NLGN1: variants seen among roughly 807,000 people sequenced by gnomAD.
NLGN1 encodes the protein neuroligin 1, also known as neuroligin-1.
Under a neutral mutation model 65.5 loss-of-function variants are expected in NLGN1, and 12 were observed. That is an observed-to-expected ratio of 0.18 (90% CI 0.12 to 0.30). The LOEUF (loss-of-function observed/expected upper bound fraction) is 0.30. Among genes scored for constraint, NLGN1 ranks in the 10% least tolerant of loss-of-function variants. NLGN1 has a pLI of 1.00. For synonymous variants in NLGN1, 350 were observed against 359.5 expected, an observed-to-expected ratio of 0.97 and a Z score of 0.30; for missense variants, 750 against 1,007.1, an observed-to-expected ratio of 0.74 and a Z score of 3.46.
At chr3:173,906,267 A>G (rs957174431) in intron 4 of NLGN1, among the ~76,000 whole-genome samples, 11 of 152,116 alleles carry the variant, frequency 7.2e-5, no homozygotes, top group African/African-American at 2.7e-4. Context: ...TTTTATTAGC[A>G]TTTTTTCCAT....
chr3:173,994,489 A>AAAAAAAAAG (rs1560799719), intron 4 of NLGN1, among the ~76,000 whole-genome samples: 1 of 62,460 alleles, frequency 1.6e-5, no homozygotes. Flanking sequence ...AAAAAAAAAA[A>AAAAAAAAAG]AAAGAGAGAG....
chr3:173,839,346 A>G (rs1179714946), intron 4 of NLGN1, among the ~76,000 whole-genome samples: 1 of 152,084 alleles, frequency 6.6e-6, no homozygotes, highest in East Asian at 1.9e-4. Context: ...ACAGTCATGA[A>G]CTAGGCCATG....
chr3:173,584,888 C>T (rs1014049423), intron 2 of NLGN1: 16 of 151,932 alleles, frequency 1.1e-4, no homozygotes, highest in African/African-American at 3.9e-4. Context: ...CTCGAGATTT[C>T]AAAAAAGCGT....
intron 3 of NLGN1, among the ~76,000 whole-genome samples, chr3:173,744,830 A>ATT (rs35668962): frequency 0.034 from 5,074 of 148,168 alleles, 277 homozygotes; most frequent in African/African-American, 0.12. Context: ...TTATTTATTT[A>ATT]TTTTTTTTTT....
intron 4 of NLGN1, among the ~76,000 whole-genome samples, chr3:174,194,591 G>C (rs532958904): frequency 6.6e-6 from 1 of 151,550 alleles, no homozygotes; most frequent in African/African-American, 2.4e-5. Flanking sequence ...AAATCATCAG[G>C]CTATTTGTAG....
At chr3:174,122,193 C>T (rs1234889531) in intron 4 of NLGN1, among the ~76,000 whole-genome samples, 1 of 152,126 alleles carries the variant, frequency 6.6e-6, no homozygotes, top group South Asian at 2.1e-4. Context: ...TGCCCATTTT[C>T]GATCTCTGTA....
chr3:174,139,696 C>G (rs1577063675), intron 4 of NLGN1, among the ~76,000 whole-genome samples: 1 of 152,204 alleles, frequency 6.6e-6, no homozygotes, highest in Middle Eastern at 3.4e-3. Context: ...AAAATGTCTC[C>G]TAAAGTGGTG....
intron 3 of NLGN1, among the ~76,000 whole-genome samples, chr3:173,706,925 A>G (rs1044283495): frequency 2.6e-5 from 4 of 152,200 alleles, no homozygotes; most frequent in Admixed American, 1.3e-4. Context: ...ATTCAACTTT[A>G]TTCATCCTGA....
chr3:173,960,745 AATAG>A (rs201541649), intron 4 of NLGN1, among the ~76,000 whole-genome samples: 290 of 152,032 alleles, frequency 1.9e-3, no homozygotes, highest in African/African-American at 6.6e-3. Context: ...TTTAAGTTAA[AATAG>A]ATAGGAAGAC....
At chr3:174,248,930 A>G (rs1744286262) in intron 4 of NLGN1, among the ~76,000 whole-genome samples, 1 of 151,872 alleles carries the variant, frequency 6.6e-6, no homozygotes, top group Non-Finnish European at 1.5e-5. Flanking sequence ...CATCCTCTCC[A>G]CTCCTGCTTC....
chr3:173,558,634 A>C (rs1484887495), intron 2 of NLGN1, among the ~76,000 whole-genome samples: 1 of 151,830 alleles, frequency 6.6e-6, no homozygotes, highest in Admixed American at 6.6e-5. Context: ...TAGAGTTTCT[A>C]TTTCTCTTTT....
intron 4 of NLGN1, among the ~76,000 whole-genome samples, chr3:173,923,791 C>A (rs1174210331): frequency 6.6e-6 from 1 of 152,020 alleles, no homozygotes; most frequent in East Asian, 1.9e-4. Flanking sequence ...ATTTTCATTT[C>A]TTTCTTTTCA....
chr3:173,708,276 C>G (rs2149924704), intron 3 of NLGN1, among the ~76,000 whole-genome samples: 1 of 152,284 alleles, frequency 6.6e-6, no homozygotes, highest in South Asian at 2.1e-4. Flanking sequence ...AATCCTCTGA[C>G]CCTTGGACTC....
At chr3:174,062,686 A>G (rs947769831) in intron 4 of NLGN1, among the ~76,000 whole-genome samples, 6 of 152,000 alleles carry the variant, frequency 3.9e-5, no homozygotes, top group African/African-American at 1.4e-4. Flanking sequence ...TATTGTTTCT[A>G]TCTAATTTTT....
chr3:173,710,132 G>T (rs1029701319), intron 3 of NLGN1, among the ~76,000 whole-genome samples: 1 of 152,032 alleles, frequency 6.6e-6, no homozygotes, highest in African/African-American at 2.4e-5. Flanking sequence ...AAAATTCAAT[G>T]AGTGAATATT....
chr3:173,819,450 T>G (rs1268233265), intron 4 of NLGN1, among the ~76,000 whole-genome samples: 1 of 152,198 alleles, frequency 6.6e-6, no homozygotes, highest in East Asian at 1.9e-4. Flanking sequence ...CTCTTCTTCT[T>G]GTCAAACTTT....
At chr3:174,119,999 C>A (rs2152642679) in intron 4 of NLGN1, among the ~76,000 whole-genome samples, 1 of 152,176 alleles carries the variant, frequency 6.6e-6, no homozygotes, top group Non-Finnish European at 1.5e-5. Context: ...AGTTTGAAAA[C>A]CACTGATATA....
intron 4 of NLGN1, among the ~76,000 whole-genome samples, chr3:174,106,772 C>T (rs1475803393): frequency 1.3e-5 from 2 of 151,968 alleles, no homozygotes; most frequent in Non-Finnish European, 2.9e-5. Flanking sequence ...TATAATGCAG[C>T]CCCACTCTGA....
At chr3:173,478,062 C>T (rs1726563830) in intron 2 of NLGN1, among the ~76,000 whole-genome samples, 1 of 151,934 alleles carries the variant, frequency 6.6e-6, no homozygotes, top group African/African-American at 2.4e-5. Context: ...GGTGTATACC[C>T]AAAGGAACAT....
Sources: gnomAD v4.1 joint callset for allele counts (sites outside exome capture counted in the v4.1 genomes callset) on GRCh38, gnomAD v4.1.1 for gene constraint, MANE v1.5 for transcripts, NCBI Gene and HGNC (gene_info 2026-07-23, HGNC 2026-07-21) for gene names.